The following NAALAD2 variants were observed in gnomAD, a reference collection of about 807,000 sequenced individuals.
The protein encoded by NAALAD2 is N-acetylated alpha-linked acidic dipeptidase 2, also known as N-acetylated-alpha-linked acidic dipeptidase 2.
NAALAD2 carries 89 observed loss-of-function variants against 95.6 expected under a neutral mutation model. That is an observed-to-expected ratio of 0.93 (90% confidence interval 0.78 to 1.11). The LOEUF is 1.11. NAALAD2 is among the 50% of genes least tolerant of loss of function. NAALAD2 has a pLI of 0.00. For synonymous variants in NAALAD2, 264 were observed against 294.4 expected (o/e 0.90, Z 1.06); for missense variants, 894 against 872.4 (o/e 1.02, Z -0.31).
intron 16 of NAALAD2, among the ~76,000 whole-genome samples, chr11:90,178,497 G>A (rs1056062933): frequency 1.3e-4 from 19 of 151,922 alleles, no homozygotes; most frequent in Admixed American, 7.9e-4. Flanking sequence ...TGGTGAAACC[G>A]CGTCTCTACT....
chr11:90,190,777 T>C (rs191201932), intron 18 of NAALAD2, among the ~76,000 whole-genome samples: 470 of 148,684 alleles, frequency 3.2e-3, no homozygotes, highest in Non-Finnish European at 5.6e-3. Context: ...TTGTCATTAA[T>C]CATTAATCAT....
At chr11:90,188,090 T>C (rs891505569) in intron 18 of NAALAD2, among the ~76,000 whole-genome samples, 2 of 152,268 alleles carry the variant, frequency 1.3e-5, no homozygotes, top group South Asian at 2.1e-4. Flanking sequence ...ATTTACCTTA[T>C]TTGAACAGTT....
At chr11:90,131,822 G>A (rs991336403), upstream of NAALAD2, 1 of 152,160 alleles carries the variant, frequency 6.6e-6, no homozygotes, top group African/African-American at 2.4e-5. Context: ...GAAGTGGTGA[G>A]TTTTGTTATG....
intron 6 of NAALAD2, among the ~76,000 whole-genome samples, chr11:90,157,919 C>T (rs1952169505): frequency 6.6e-6 from 1 of 152,148 alleles, no homozygotes; most frequent in Admixed American, 6.6e-5. Flanking sequence ...CGGGGTTTCA[C>T]CATGTTGGCC....
At chr11:90,178,252 A>G (rs967387976) in intron 16 of NAALAD2, 135 bp downstream of exon 16, 5 of 991,866 alleles carry the variant, frequency 5.0e-6, no homozygotes, top group Admixed American at 5.0e-5. Context: ...CTACACAAAA[A>G]CTTAAAACAA....
chr11:90,142,275 G>A lies in NAALAD2; in HGVS notation c.195-5055G>A, dbSNP rs1012308305. 2.4e-4 allele frequency among the ~76,000 whole-genome samples: 36 copies of A among 152,078 alleles called. 1 individual carries two copies. Among genetic ancestry groups the A allele is most frequent in the African/African-American group, 7.7e-4 (32 of 41,414 alleles). The stretch of plus-strand genomic sequence containing the variant: ...ATGTTATAGTTTTCTCCACGAATGC[G>A]AAATTGTCTATTTGTCCCATTAACT... On this transcript the variant is annotated intron_variant, in intron 2 of 18. Coordinates refer to ENST00000534061, the MANE Select transcript of NAALAD2 (RefSeq NM_005467.4).
intron 4 of NAALAD2, among the ~76,000 whole-genome samples, chr11:90,150,077 C>A (rs1590969794): frequency 6.6e-6 from 1 of 151,942 alleles, no homozygotes; most frequent in South Asian, 2.1e-4. Flanking sequence ...CATGGTGAAA[C>A]CCATCTCTAC....
At chr11:90,154,896 T>G (rs1210414584) in intron 6 of NAALAD2, among the ~76,000 whole-genome samples, 28 of 103,330 alleles carry the variant, frequency 2.7e-4, no homozygotes, top group South Asian at 2.2e-3. Flanking sequence ...TATGTATATA[T>G]TATATACGTA....
At chr11:90,164,861 T>C (rs960432054) in intron 11 of NAALAD2, among the ~76,000 whole-genome samples, 8 of 152,172 alleles carry the variant, frequency 5.3e-5, no homozygotes, top group African/African-American at 1.9e-4. Flanking sequence ...GTAGTAATTT[T>C]TGAGACTCTA....
At chr11:90,176,142 C>A in intron 15 of NAALAD2, 80 bp downstream of exon 15, 1 of 1,057,320 alleles carries the variant, frequency 9.5e-7, no homozygotes, top group Non-Finnish European at 1.4e-6. Flanking sequence ...TTGTTTGGCA[C>A]CAGACACCTG....
At chr11:90,166,376 T>A (rs1316161677) in intron 11 of NAALAD2, among the ~76,000 whole-genome samples, 1 of 152,158 alleles carries the variant, frequency 6.6e-6, no homozygotes, top group African/African-American at 2.4e-5. Flanking sequence ...CTCCTCTAAT[T>A]TTTTGTCTTC....
intron 13 of NAALAD2, among the ~76,000 whole-genome samples, chr11:90,172,889 C>T (rs1346791775): frequency 2.6e-5 from 4 of 152,184 alleles, no homozygotes; most frequent in African/African-American, 9.7e-5. Flanking sequence ...CCCAGTTTTA[C>T]AGGTGAGAAG....
Position 90,176,021 on chromosome 11 carries a change from C to G in NAALAD2, c.1552C>G (p.Leu518Val), listed in dbSNP as rs1565542602. The G allele has an allele frequency of 6.2e-7, 1 of 1,613,442 alleles. No homozygotes were observed. Among genetic ancestry groups the G allele is most frequent in the Admixed American group, 1.7e-5 (1 of 59,908 alleles). ...TGACTTTGAAGCTTATTTTCAGAGA[C>G]TTGGAATTGCTTCAGGCAGAGCCCG... is the stretch of plus-strand genomic sequence containing the variant. ...GSDFEAYFQR[L>V]GIASGRARYT... The change falls in exon 15 of 19, where the codon CTT becomes GTT. Residue 518 changes from leucine to valine, a missense_variant. Transcript: ENST00000534061.
intron 2 of NAALAD2, among the ~76,000 whole-genome samples, chr11:90,146,014 T>G (rs1038409779): frequency 6.6e-6 from 1 of 152,154 alleles, no homozygotes; most frequent in Non-Finnish European, 1.5e-5. Context: ...GATGAATTAT[T>G]TAGAAATATC....
At chr11:90,149,468 C>T (rs897333074) in intron 4 of NAALAD2, among the ~76,000 whole-genome samples, 1 of 151,944 alleles carries the variant, frequency 6.6e-6, no homozygotes, top group Admixed American at 6.6e-5. Context: ...GAGTTTCGCT[C>T]TTGTCACCCA....
intron 18 of NAALAD2, among the ~76,000 whole-genome samples, chr11:90,186,857 A>T (rs1857158984): frequency 7.1e-6 from 1 of 140,940 alleles, no homozygotes; most frequent in East Asian, 2.0e-4. Flanking sequence ...GCTTCTGCAC[A>T]GCAAAAGAAA....
chr11:90,163,174 A>G (rs1952343636), intron 9 of NAALAD2, 136 bp from the exon 10 acceptor site: 1 of 1,240,842 alleles, frequency 8.1e-7, no homozygotes, highest in Admixed American at 2.5e-5. Flanking sequence ...GTACAAATCT[A>G]AAAGAAGATT....
chr11:90,155,483 TTA>T (rs1255577258), intron 6 of NAALAD2, among the ~76,000 whole-genome samples: 1 of 114,276 alleles, frequency 8.8e-6, no homozygotes, highest in African/African-American at 3.6e-5. Context: ...CATGTATATA[TTA>T]TATATAATAT....
At chr11:90,140,245 C>T (rs1951572484) in intron 2 of NAALAD2, among the ~76,000 whole-genome samples, 1 of 152,104 alleles carries the variant, frequency 6.6e-6, no homozygotes, top group African/African-American at 2.4e-5. Context: ...CAATGTATTA[C>T]AGTTAATTTT....
Sources: allele counts gnomAD v4.1 joint callset (sites outside exome capture counted in the v4.1 genomes callset), GRCh38; gene constraint gnomAD v4.1.1; transcripts MANE v1.5; gene names NCBI Gene and HGNC (gene_info 2026-07-23, HGNC 2026-07-21).